The following MEOX2 variants were observed in gnomAD, a reference collection of about 807,000 sequenced individuals.
MEOX2 encodes the protein homeobox protein MOX-2.
A neutral mutation model predicts 27.0 loss-of-function variants in MEOX2; 11 were observed. That is an observed-to-expected ratio of 0.41 (90% CI 0.26 to 0.68). The LOEUF (loss-of-function observed/expected upper bound fraction) is 0.68. MEOX2 is among the 30% of genes least tolerant of loss of function. The pLI is 0.33. For synonymous variants in MEOX2, 189 were observed against 155.4 expected (o/e 1.22, Z -1.61); for missense variants, 436 against 385.4 (o/e 1.13, Z -1.10).
intron 2 of MEOX2, among the ~76,000 whole-genome samples, chr7:15,614,063 T>A (rs1781080265): frequency 6.6e-6 from 1 of 151,468 alleles, no homozygotes; most frequent in Admixed American, 6.6e-5. Flanking sequence ...TTGTTTCTTT[T>A]ATGACTAGTG....
chr7:15,618,142 G>T (rs974856501), intron 2 of MEOX2, among the ~76,000 whole-genome samples: 4 of 151,812 alleles, frequency 2.6e-5, no homozygotes, highest in African/African-American at 9.7e-5. Context: ...GTAAACCATT[G>T]TTTTCCTTTA....
intron 2 of MEOX2, among the ~76,000 whole-genome samples, chr7:15,614,202 GATAAAATAAAATAAAATAAAATAAA>G (rs60984021): frequency 1.2e-3 from 175 of 142,252 alleles, no homozygotes; most frequent in African/African-American, 3.7e-3. Context: ...CAAATAAATA[GATAAAATAAAATAAAATAAAATAAA>G]ATAAAATAAA....
At chr7:15,665,074 CACACACACACA>C (rs2115386465) in intron 1 of MEOX2, among the ~76,000 whole-genome samples, 2 of 151,100 alleles carry the variant, frequency 1.3e-5, no homozygotes, top group South Asian at 4.2e-4. Context: ...CACACACACA[CACACACACACA>C]AAGCCTCTAC....
At chr7:15,684,118 C>T (rs1782338254) in intron 1 of MEOX2, among the ~76,000 whole-genome samples, 1 of 152,044 alleles carries the variant, frequency 6.6e-6, no homozygotes, top group South Asian at 2.1e-4. Context: ...AAATTGTTTG[C>T]CCTGAGAAAC....
intron 1 of MEOX2, among the ~76,000 whole-genome samples, chr7:15,665,679 A>T (rs1310041146): frequency 3.3e-5 from 5 of 152,326 alleles, no homozygotes; most frequent in South Asian, 2.1e-4. Context: ...ATTCCATTTT[A>T]AAAATACTGG....
intron 1 of MEOX2, chr7:15,679,075 A>G (rs569954065): frequency 2.0e-4 from 31 of 152,264 alleles, no homozygotes; most frequent in African/African-American, 7.5e-4. Flanking sequence ...CTTAATATTT[A>G]ATTTTGTAAT....
At chr7:15,666,722 AGC>A (rs1420010425) in intron 1 of MEOX2, among the ~76,000 whole-genome samples, 2 of 132,750 alleles carry the variant, frequency 1.5e-5, no homozygotes, top group African/African-American at 5.8e-5. Flanking sequence ...ACTGCACTCC[AGC>A]GTGGGCAACA....
At chr7:15,685,751 C>A in intron 1 of MEOX2, 135 bp downstream of exon 1, 2 of 1,284,504 alleles carry the variant, frequency 1.6e-6, no homozygotes, top group Non-Finnish European at 1.1e-6. Flanking sequence ...CCGAATTTGG[C>A]CGCAGGAAGC....
intron 1 of MEOX2, among the ~76,000 whole-genome samples, chr7:15,674,591 T>A (rs1354263054): frequency 6.6e-6 from 1 of 151,852 alleles, no homozygotes; most frequent in African/African-American, 2.4e-5. Flanking sequence ...TGTGCATGTT[T>A]AGAAATGGTG....
intron 1 of MEOX2, among the ~76,000 whole-genome samples, chr7:15,641,213 G>C (rs1311496921): frequency 6.6e-6 from 1 of 152,062 alleles, no homozygotes; most frequent in Non-Finnish European, 1.5e-5. Context: ...TTATTTGTCT[G>C]TTCAGAATTT....
intron 1 of MEOX2, among the ~76,000 whole-genome samples, chr7:15,678,559 C>T (rs979281178): frequency 1.8e-4 from 28 of 152,276 alleles, no homozygotes; most frequent in African/African-American, 6.0e-4. Flanking sequence ...TAAGAATACA[C>T]CTCAGTTTAG....
chr7:15,670,592 C>T (rs1458083903), intron 1 of MEOX2, among the ~76,000 whole-genome samples: 2 of 152,142 alleles, frequency 1.3e-5, no homozygotes, highest in Admixed American at 6.5e-5. Context: ...CTATTGAGTA[C>T]TTGGAACGTG....
At position 15,685,917 on chromosome 7, in the gene MEOX2, T is replaced by C; in HGVS notation, c.486A>G (p.Arg162=). ...QALSPAEAEK[R]SGGKRKSDSS... Reference sequence around the variant, plus strand: ...TGTCGCTTTTCCTCTTGCCGCCGCTTCGCTTCTCCGCCTCCGCAGGTGACA... The same window carrying C: ...TGTCGCTTTTCCTCTTGCCGCCGCTCCGCTTCTCCGCCTCCGCAGGTGACA... Residue 162 remains arginine (R), a synonymous_variant, in exon 1 of 3, where the codon CGA becomes CGG. Coordinates refer to ENST00000262041, the MANE Select transcript of MEOX2 (RefSeq NM_005924.5). The C allele has an allele frequency of 6.2e-7, 1 of 1,608,582 alleles. No homozygotes were observed. Among genetic ancestry groups the C allele is most frequent in the South Asian group, 1.1e-5 (1 of 90,722 alleles).
At chr7:15,637,607 T>C (rs932751448) in intron 1 of MEOX2, among the ~76,000 whole-genome samples, 2 of 151,740 alleles carry the variant, frequency 1.3e-5, no homozygotes, top group African/African-American at 4.8e-5. Flanking sequence ...AGCAGAAAAA[T>C]CTTAGTAGTA....
At chr7:15,627,064 C>A in intron 1 of MEOX2, 146 bp from the exon 2 acceptor site, 1 of 637,840 alleles carries the variant, frequency 1.6e-6, no homozygotes, top group Non-Finnish European at 2.6e-6. Context: ...AGACTGACGG[C>A]AGCTCAACGG....
At chr7:15,629,480 T>C (rs759628067) in intron 1 of MEOX2, among the ~76,000 whole-genome samples, 2 of 152,056 alleles carry the variant, frequency 1.3e-5, no homozygotes, top group Non-Finnish European at 2.9e-5. Flanking sequence ...ATGACTAAAA[T>C]GAAGTAACTT....
At chr7:15,640,484 T>C (rs917240808) in intron 1 of MEOX2, among the ~76,000 whole-genome samples, 5 of 152,140 alleles carry the variant, frequency 3.3e-5, no homozygotes, top group African/African-American at 1.2e-4. Context: ...CAGAGGTAAA[T>C]TGACTTCCTT....
intron 1 of MEOX2, among the ~76,000 whole-genome samples, chr7:15,645,492 T>A (rs1309564314): frequency 9.2e-5 from 14 of 152,302 alleles, no homozygotes; most frequent in Non-Finnish European, 2.1e-4. Flanking sequence ...AAATTCGCCA[T>A]GACTGCAATA....
chr7:15,634,563 C>A (rs897184039), intron 1 of MEOX2, among the ~76,000 whole-genome samples: 4 of 151,864 alleles, frequency 2.6e-5, no homozygotes, highest in Non-Finnish European at 5.9e-5. Flanking sequence ...TCTGGCAATC[C>A]TAAATTGCCA....
Sources: allele counts gnomAD v4.1 joint callset (sites outside exome capture counted in the v4.1 genomes callset), GRCh38; gene constraint gnomAD v4.1.1; transcripts MANE v1.5; gene names NCBI Gene and HGNC (gene_info 2026-07-23, HGNC 2026-07-21).